Variants in GEMIN5 observed in about 807,000 individuals in gnomAD.
GEMIN5 encodes gem-associated protein 5.
In GEMIN5, 124 loss-of-function variants were observed where a neutral mutation model predicts 176.9. That is an observed-to-expected ratio of 0.70 (90% confidence interval 0.61 to 0.81). The LOEUF (loss-of-function observed/expected upper bound fraction) is 0.81, where lower values mean the gene tolerates loss of function less well. Among genes scored for constraint, GEMIN5 ranks in the 40% least tolerant of loss-of-function variants. The pLI is 0.00. For missense variants in GEMIN5, 1,843 were observed against 1,814.6 expected, an observed-to-expected ratio of 1.02 and a Z score of -0.28; for synonymous variants, 673 against 665.2, an observed-to-expected ratio of 1.01 and a Z score of -0.18.
At chr5:154,931,117 C>T (rs951470555) in intron 5 of GEMIN5, among the ~76,000 whole-genome samples, 5 of 152,236 alleles carry the variant, frequency 3.3e-5, no homozygotes, top group African/African-American at 1.2e-4. Flanking sequence ...AAAGCTCTAA[C>T]TCTTAAGATA....
rs1432781939 is a variant in GEMIN5, at chr5:154,901,484, CA to C, written c.2868del (p.Gly957AlafsTer66). On this transcript the variant is annotated frameshift_variant and splice_region_variant, in exon 21 of 28. Coordinates refer to ENST00000285873, the MANE Select transcript of GEMIN5 (RefSeq NM_015465.5). LOFTEE classifies it high-confidence loss of function. ...TDNLVAMAPA[A>X]GYHVWLWAVE... Reference sequence around the variant, plus strand: ...ACAGCCCATAGCCACACATGGTAGCCAGCTGAAAAAATAAAAGATGGTGGTT... The same window carrying C: ...ACAGCCCATAGCCACACATGGTAGCCGCTGAAAAAATAAAAGATGGTGGTT... 1.2e-6 allele frequency: 2 copies of C among 1,612,644 alleles called. No homozygotes were observed.
At position 154,900,944 on chromosome 5, in the gene GEMIN5, T is replaced by C. The variant is rs576426949; in HGVS notation, c.3014+395A>G. 8.9e-4 allele frequency among the ~76,000 whole-genome samples: 135 copies of C among 152,248 alleles called. 1 individual carries two copies. Among genetic ancestry groups the C allele is most frequent in the Non-Finnish European group, 1.4e-3 (95 of 68,022 alleles). ...AGTTTAAAAACAAGCCATGAAAAGA[T>C]CAAGCTGATACACAACTTTACTACT... On this transcript the variant is annotated intron_variant, in intron 21 of 27. Coordinates refer to ENST00000285873, the MANE Select transcript of GEMIN5 (RefSeq NM_015465.5).
In GEMIN5 at chr5:154,888,117, G is replaced by A. The variant is rs994326789; in HGVS notation, c.*93C>T. Reference sequence around the variant, plus strand: ...TTTTGGATTACTGCAAAAACATCTAGGGACCAGAGTGAATGTCTGGTGAGG... The same window carrying A: ...TTTTGGATTACTGCAAAAACATCTAAGGACCAGAGTGAATGTCTGGTGAGG... On this transcript the variant is annotated 3_prime_UTR_variant, in exon 28 of 28. Coordinates refer to ENST00000285873, the MANE Select transcript of GEMIN5 (RefSeq NM_015465.5). 50 of 1,164,628 alleles carry A rather than the reference G, an allele frequency of 4.3e-5. No individual in the cohort carries two copies. Among genetic ancestry groups the A allele is most frequent in the East Asian group, 2.3e-5 (1 of 42,714 alleles). 72.1% of individuals were successfully genotyped at this position (1,164,628 alleles called of 1,614,324 possible).
At chr5:154,930,215 A>G (rs1185776269) in intron 5 of GEMIN5, among the ~76,000 whole-genome samples, 3 of 152,162 alleles carry the variant, frequency 2.0e-5, no homozygotes, top group African/African-American at 7.2e-5. Context: ...AGCGAATCAG[A>G]ATTAGTTTAG....
intron 16 of GEMIN5, among the ~76,000 whole-genome samples, chr5:154,905,738 G>A (rs904452855): frequency 6.9e-6 from 1 of 144,344 alleles, no homozygotes; most frequent in Admixed American, 7.2e-5. Flanking sequence ...TCACTCTGTC[G>A]CCCAGGCTGG....
intron 10 of GEMIN5, among the ~76,000 whole-genome samples, chr5:154,921,083 T>A (rs1478286740): frequency 1.3e-5 from 2 of 152,146 alleles, no homozygotes; most frequent in Non-Finnish European, 2.9e-5. Flanking sequence ...TAACTATACA[T>A]ACAATGAAAA....
chr5:154,907,787 C>G lies in GEMIN5; in HGVS notation c.2199G>C (p.Arg733=), dbSNP rs752469613. ...TGGGCTTTGCCTTAGGTTGAGAGAG[C>G]CGTTTTTTCTCCAATTCAATACTTT... ...GKKSIELEKK[R]LSQPKAKPKK... is the part of the protein sequence containing the mutation. Residue 733 remains arginine, a synonymous_variant, in exon 16 of 28, where the codon CGG becomes CGC. Transcript: ENST00000285873. The G allele has an allele frequency of 6.2e-6, 10 of 1,613,670 alleles. No individual in the cohort carries two copies. Among genetic ancestry groups the G allele is most frequent in the East Asian group, 2.2e-5 (1 of 44,882 alleles).
At chr5:154,914,732 A>T (rs2113487177) in intron 13 of GEMIN5, among the ~76,000 whole-genome samples, 1 of 152,310 alleles carries the variant, frequency 6.6e-6, no homozygotes, top group South Asian at 2.1e-4. Flanking sequence ...GGCATGAGCC[A>T]CCACACGTAG....
chr5:154,902,507 T>C (rs369393626), intron 20 of GEMIN5, 32 bp downstream of exon 20: 15 of 1,610,908 alleles, frequency 9.3e-6, no homozygotes, highest in Non-Finnish European at 1.3e-5. Context: ...ATAGAGCTTT[T>C]GTTGAAAAGA....
chr5:154,913,186 CTT>C lies in GEMIN5; in HGVS notation c.1856-150_1856-149del, dbSNP rs767892288. Reference sequence around the variant, plus strand: ...TTTTTTTTTGAGATGGAGTTTCGCTCTTGTTGCTCAGGCTGGAGTGCAATGGC... The same window carrying C: ...TTTTTTTTTGAGATGGAGTTTCGCTCGTTGCTCAGGCTGGAGTGCAATGGC... On this transcript the variant is annotated intron_variant, in intron 13 of 27. Transcript: ENST00000285873. The C allele has an allele frequency of 7.6e-4, 503 of 660,780 alleles. 1 individual carries two copies. The highest frequency in any genetic ancestry group is 1.1e-3 in the Non-Finnish European group (461 of 407,092). 40.9% of individuals were successfully genotyped at this position (660,780 alleles called of 1,614,324 possible).
chr5:154,914,509 CT>C (rs66537820), intron 13 of GEMIN5, among the ~76,000 whole-genome samples: 113,227 of 136,266 alleles, frequency 0.83, 46,934 homozygotes, highest in Middle Eastern at 0.86. Context: ...CACTATTTTA[CT>C]TTTTTTTTTT....
intron 15 of GEMIN5, among the ~76,000 whole-genome samples, chr5:154,910,823 C>A (rs952557716): frequency 1.3e-5 from 2 of 152,168 alleles, no homozygotes; most frequent in African/African-American, 2.4e-5. Flanking sequence ...CTCAGCCTCC[C>A]GAGTAGCTGG....
Position 154,917,132 on chromosome 5 carries a change from A to T in GEMIN5, c.1721T>A (p.Ile574Asn). The T allele has an allele frequency of 6.3e-7, 1 of 1,593,522 alleles. No individual in the cohort carries two copies. Among genetic ancestry groups the T allele is most frequent in the Non-Finnish European group, 8.6e-7 (1 of 1,165,482 alleles). Residue 574 changes from isoleucine to asparagine, a missense_variant, in exon 13 of 28, where the codon ATC (isoleucine) becomes AAC (asparagine). Ile to Asn is a moderately radical substitution (Grantham distance 149). Transcript: ENST00000285873. ...QIPNLKLICT[I>N]QQHHKLVNTI... The stretch of plus-strand genomic sequence containing the variant: ...ATTCACAAGCTTGTGATGCTGTTGG[A>T]TAGTACAGATCAGTTTCAGGTTGGG...
intron 24 of GEMIN5, among the ~76,000 whole-genome samples, chr5:154,893,601 G>A (rs889335810): frequency 6.6e-6 from 1 of 152,180 alleles, no homozygotes; most frequent in Non-Finnish European, 1.5e-5. Flanking sequence ...CTCTGCAGGC[G>A]ATCTCCTGGC....
chr5:154,933,177 T>C (rs1764201990), intron 3 of GEMIN5, among the ~76,000 whole-genome samples: 1 of 152,264 alleles, frequency 6.6e-6, no homozygotes, highest in South Asian at 2.1e-4. Flanking sequence ...GCCAGATCTC[T>C]TCTCCTTTTC....
At chr5:154,919,682 A>G (rs1362872586) in intron 11 of GEMIN5, among the ~76,000 whole-genome samples, 1 of 152,234 alleles carries the variant, frequency 6.6e-6, no homozygotes, top group Admixed American at 6.5e-5. Context: ...ATAATAAATC[A>G]TTGTTGCAAT....
intron 14 of GEMIN5, 37 bp from the exon 15 acceptor site, chr5:154,911,935 T>G (rs1763711197): frequency 4.4e-6 from 7 of 1,590,826 alleles, no homozygotes; most frequent in Non-Finnish European, 6.0e-6. Flanking sequence ...AGACATTTTC[T>G]GGTTATTCTA....
intron 15 of GEMIN5, among the ~76,000 whole-genome samples, chr5:154,908,537 G>A (rs867058631): frequency 5.3e-5 from 8 of 152,172 alleles, no homozygotes; most frequent in African/African-American, 1.7e-4. Context: ...GGTACATTTG[G>A]TTGCCATGCC....
intron 26 of GEMIN5, among the ~76,000 whole-genome samples, chr5:154,890,689 G>T (rs1168034420): frequency 6.6e-6 from 1 of 152,084 alleles, no homozygotes; most frequent in East Asian, 1.9e-4. Context: ...GGCTGAACTT[G>T]AGCTCCTGGC....
Sources: allele counts gnomAD v4.1 joint callset (sites outside exome capture counted in the v4.1 genomes callset), GRCh38; gene constraint gnomAD v4.1.1; transcripts MANE v1.5; gene names NCBI Gene and HGNC (gene_info 2026-07-23, HGNC 2026-07-21).